NAV3: variants seen among roughly 807,000 people sequenced by gnomAD.
The protein encoded by NAV3 is neuron navigator 3.
In NAV3, 87 loss-of-function variants were observed where a neutral mutation model predicts 244.7. That is an observed-to-expected ratio of 0.36 (90% CI 0.30 to 0.42). The LOEUF (loss-of-function observed/expected upper bound fraction) is 0.42, where lower values mean the gene tolerates loss of function less well. Among genes scored for constraint, NAV3 ranks in the 20% least tolerant of loss-of-function variants. The pLI is 1.00. For synonymous variants in NAV3, 1,126 were observed against 1,042.2 expected (o/e 1.08, Z -1.55); for missense variants, 2,663 against 2,893.3 (o/e 0.92, Z 1.83).
chr12:78,004,649 A>G (rs1873886224), intron 7 of NAV3, among the ~76,000 whole-genome samples: 1 of 152,220 alleles, frequency 6.6e-6, no homozygotes, highest in African/African-American at 2.4e-5. Context: ...AGGTGCTGCC[A>G]TTTCAGCTGC....
intron 1 of NAV3, among the ~76,000 whole-genome samples, chr12:77,891,903 T>C (rs1883983851): frequency 6.6e-6 from 1 of 152,188 alleles, no homozygotes; most frequent in Non-Finnish European, 1.5e-5. Context: ...CTCCCTTCTT[T>C]GCCCCAGGAC....
intron 2 of NAV3, among the ~76,000 whole-genome samples, chr12:77,589,716 T>A (rs1869817732): frequency 6.6e-6 from 1 of 152,202 alleles, no homozygotes; most frequent in Non-Finnish European, 1.5e-5. Flanking sequence ...ATGTGGGGAT[T>A]ATGGGAGCTA....
intron 2 of NAV3, among the ~76,000 whole-genome samples, chr12:77,758,269 G>A (rs901455649): frequency 5.9e-5 from 9 of 151,788 alleles, no homozygotes; most frequent in Admixed American, 5.3e-4. Context: ...ACGCATATTT[G>A]TTGTTTACTG....
At chr12:77,671,072 T>G (rs1387548810) in intron 2 of NAV3, among the ~76,000 whole-genome samples, 1 of 152,092 alleles carries the variant, frequency 6.6e-6, no homozygotes, top group Non-Finnish European at 1.5e-5. Context: ...CCAGAACCGG[T>G]AAATGAATTC....
chr12:77,985,510 A>C (rs375024792), intron 5 of NAV3, among the ~76,000 whole-genome samples: 1 of 152,060 alleles, frequency 6.6e-6, no homozygotes, highest in African/African-American at 2.4e-5. Flanking sequence ...TCAATACTCT[A>C]AAGGTGGGAT....
At chr12:77,757,086 C>T (rs1040738377) in intron 2 of NAV3, among the ~76,000 whole-genome samples, 1 of 152,162 alleles carries the variant, frequency 6.6e-6, no homozygotes, top group Non-Finnish European at 1.5e-5. Flanking sequence ...AAATATTATT[C>T]AAGGATCCTC....
chr12:77,623,234 A>T (rs573957004), intron 2 of NAV3, among the ~76,000 whole-genome samples: 1 of 152,218 alleles, frequency 6.6e-6, no homozygotes, highest in African/African-American at 2.4e-5. Context: ...TTAAAATTAG[A>T]TAAGATCAAA....
intron 2 of NAV3, among the ~76,000 whole-genome samples, chr12:77,813,496 G>A (rs1199724572): frequency 6.6e-6 from 1 of 152,110 alleles, no homozygotes; most frequent in Non-Finnish European, 1.5e-5. Flanking sequence ...CTGTCATTCA[G>A]ATCACCAGAT....
At chr12:77,791,984 T>A (rs925915131) in intron 2 of NAV3, among the ~76,000 whole-genome samples, 12 of 152,168 alleles carry the variant, frequency 7.9e-5, no homozygotes, top group Non-Finnish European at 1.3e-4. Context: ...TTGGGGGAGT[T>A]CCAGAACCAA....
chr12:77,966,148 T>C (rs537391424), intron 3 of NAV3, 81 bp from the exon 4 acceptor site: 21 of 1,135,778 alleles, frequency 1.8e-5, no homozygotes, highest in Non-Finnish European at 2.8e-5. Flanking sequence ...TCTTTATCGT[T>C]CTTTCTGGTT....
chr12:77,856,070 T>C (rs1266301266), intron 1 of NAV3, among the ~76,000 whole-genome samples: 2 of 152,250 alleles, frequency 1.3e-5, no homozygotes, highest in Non-Finnish European at 2.9e-5. Flanking sequence ...AGAGTATTAT[T>C]ATCTTCACTT....
At chr12:77,676,559 C>CT (rs35737201) in intron 2 of NAV3, among the ~76,000 whole-genome samples, 12,255 of 144,752 alleles carry the variant, frequency 0.085, 689 homozygotes, top group African/African-American at 0.18. Flanking sequence ...CCTTTAAAGC[C>CT]TTTTTTTTTT....
intron 2 of NAV3, among the ~76,000 whole-genome samples, chr12:77,807,379 A>G (rs1211040853): frequency 6.6e-6 from 1 of 152,194 alleles, no homozygotes; most frequent in East Asian, 1.9e-4. Flanking sequence ...TGGTGGTGAC[A>G]AAATCTTTCA....
intron 22 of NAV3, among the ~76,000 whole-genome samples, chr12:78,154,286 C>T (rs1481643917): frequency 8.5e-6 from 1 of 117,604 alleles, no homozygotes; most frequent in Non-Finnish European, 1.8e-5. Flanking sequence ...ACTATATATA[C>T]TACTATATAT....
intron 5 of NAV3, among the ~76,000 whole-genome samples, chr12:77,989,994 T>C (rs1565993471): frequency 6.6e-6 from 1 of 152,196 alleles, no homozygotes; most frequent in East Asian, 1.9e-4. Context: ...AATTCCACTA[T>C]TGATTATTTC....
intron 2 of NAV3, among the ~76,000 whole-genome samples, chr12:77,757,216 T>C (rs1335854337): frequency 1.3e-5 from 2 of 152,232 alleles, no homozygotes; most frequent in African/African-American, 4.8e-5. Flanking sequence ...TTACACCTTC[T>C]GCTCAGGGGA....
At chr12:77,782,008 G>A (rs962800831) in intron 2 of NAV3, among the ~76,000 whole-genome samples, 1 of 152,162 alleles carries the variant, frequency 6.6e-6, no homozygotes, top group Admixed American at 6.5e-5. Flanking sequence ...GATATAAATA[G>A]CAGGAGGAGA....
At chr12:78,090,111 A>G (rs186996385) in intron 12 of NAV3, among the ~76,000 whole-genome samples, 1 of 151,808 alleles carries the variant, frequency 6.6e-6, no homozygotes. Context: ...GCATCAAGCA[A>G]TTGCTACTAT....
At chr12:77,757,356 A>T (rs1313212951) in intron 2 of NAV3, among the ~76,000 whole-genome samples, 1 of 152,184 alleles carries the variant, frequency 6.6e-6, no homozygotes, top group Non-Finnish European at 1.5e-5. Context: ...GGGTGGCACT[A>T]AAATATTTAG....
Sources: gnomAD v4.1 joint callset for allele counts (sites outside exome capture counted in the v4.1 genomes callset) on GRCh38, gnomAD v4.1.1 for gene constraint, MANE v1.5 for transcripts, NCBI Gene and HGNC (gene_info 2026-07-23, HGNC 2026-07-21) for gene names.